The following KRT5 variants were observed in gnomAD, a reference collection of about 807,000 sequenced individuals.
KRT5 encodes keratin 5.
In KRT5, 17 loss-of-function variants were observed where a neutral mutation model predicts 44.0. That is an observed-to-expected ratio of 0.39 (90% CI 0.26 to 0.58). The LOEUF (loss-of-function observed/expected upper bound fraction) is 0.58. KRT5 is among the 20% of genes least tolerant of loss of function. The pLI is 0.61. For missense variants in KRT5, 737 were observed against 785.5 expected (o/e 0.94, Z 0.74); for synonymous variants, 329 against 312.8 (o/e 1.05, Z -0.55).
intron 6 of KRT5, 82 bp downstream of exon 6, chr12:52,517,024 CA>C (rs1386468270): frequency 1.3e-6 from 2 of 1,585,882 alleles, no homozygotes; most frequent in Non-Finnish European, 1.7e-6. Flanking sequence ...GTGTGTTTAG[CA>C]AAAGTAAAAC....
At chr12:52,516,911 C>G in intron 6 of KRT5, 54 bp from the exon 7 acceptor site, 1 of 1,599,514 alleles carries the variant, frequency 6.3e-7, no homozygotes, top group Non-Finnish European at 8.6e-7. Flanking sequence ...GTGTCTCCTT[C>G]TGAGTTTCTG....
Position 52,516,707 on chromosome 12 carries a change from T to C in KRT5, c.1369A>G (p.Met457Val). The change falls in exon 7 of 9, where the codon ATG (methionine) becomes GTG (valine). Residue 457 changes from methionine (M) to valine (V), a missense_variant. Transcript: ENST00000252242. ...ACGTCCAGGGCCAGCTTGGTGTTCA[T>C]GAGCTCCTGGTACTCACGCAGCAGC... ...ARLLREYQEL[M>V]NTKLALDVEI... 1 of 1,614,218 alleles carries C rather than the reference T, an allele frequency of 6.2e-7. No individual in the cohort carries two copies.
chr12:52,517,397 G>C (rs1399182220), intron 5 of KRT5, among the ~76,000 whole-genome samples, 165 bp from the exon 6 acceptor site: 12 of 152,174 alleles, frequency 7.9e-5, no homozygotes, highest in Admixed American at 7.8e-4. Context: ...TGGAGACACT[G>C]GTGTGAGATT....
At position 52,515,851 on chromosome 12, in the gene KRT5, A is replaced by G; in HGVS notation, c.1440-19T>C. On this transcript the variant is annotated intron_variant, in intron 7 of 8. Coordinates refer to ENST00000252242, the MANE Select transcript of KRT5 (RefSeq NM_000424.4). Reference sequence around the variant, plus strand: ...ACTGAGTCTGAAAGGGGAAAAATTGAATTAAGGGTTAACAGCTCCCAAAAA... The same window carrying G: ...ACTGAGTCTGAAAGGGGAAAAATTGGATTAAGGGTTAACAGCTCCCAAAAA... The G allele has an allele frequency of 6.2e-7, 1 of 1,609,934 alleles. No homozygotes were observed. Among genetic ancestry groups the G allele is most frequent in the South Asian group, 1.1e-5 (1 of 91,002 alleles).
Position 52,520,286 on chromosome 12 carries a change from T to G in KRT5, c.11A>C (p.Gln4Pro), listed in dbSNP as rs1473238308. The G allele has an allele frequency of 1.2e-6, 2 of 1,613,162 alleles. No individual in the cohort carries two copies. Among genetic ancestry groups the G allele is most frequent in the East Asian group, 2.2e-5 (1 of 44,872 alleles). The change falls in exon 1 of 9, where the codon CAG (glutamine) becomes CCG (proline). Residue 4 changes from glutamine to proline, a missense_variant. Gln to Pro is a moderately conservative substitution (Grantham distance 76). Transcript: ENST00000252242. MSR[Q>P]SSVSFRSGGS... ...CCCGCTCCGGAAGGACACACTTGAC[T>G]GGCGAGACATGGTGGCTTGTTCCTG...
At position 52,516,640 on chromosome 12, in the gene KRT5, C is replaced by T. The variant is rs374468864; in HGVS notation, c.1436G>A (p.Cys479Tyr). The T allele has an allele frequency of 6.2e-7, 1 of 1,614,194 alleles. No individual in the cohort carries two copies. The highest frequency in any genetic ancestry group is 8.5e-7 in the Non-Finnish European group (1 of 1,180,024). The change falls in exon 7 of 9, where the codon TGC becomes TAC. Residue 479 changes from cysteine to tyrosine, a missense_variant. By Grantham distance (194) the Cys-to-Tyr change is radical. This residue lies in a region of KRT5 where 344 missense variants were observed against 351.6 expected (regional missense o/e 0.98). Coordinates refer to ENST00000252242, the MANE Select transcript of KRT5 (RefSeq NM_000424.4). ...TYRKLLEGEE[C>Y]RLSGEGVGPV... The stretch of plus-strand genomic sequence containing the variant: ...TGAGTTCATGCTGTCTACTCACCTG[C>T]ATTCCTCGCCCTCCAGCAGCTTGCG...
At chr12:52,519,492 A>C in intron 1 of KRT5, 1 of 624,444 alleles carries the variant, frequency 1.6e-6, no homozygotes, top group Non-Finnish European at 2.8e-6. Flanking sequence ...CATGAAATTC[A>C]TCTCTCTGTC....
intron 7 of KRT5, 73 bp downstream of exon 7, chr12:52,516,564 G>T (rs1938613036): frequency 9.3e-6 from 13 of 1,392,656 alleles, no homozygotes; most frequent in Non-Finnish European, 1.3e-5. Flanking sequence ...ATGTATGTGT[G>T]TTGTACACCC....
chr12:52,514,667 T>A lies in KRT5; in HGVS notation c.*275A>T. The A allele has an allele frequency of 2.2e-6, 1 of 465,082 alleles. No individual in the cohort carries two copies. The highest frequency in any genetic ancestry group is 4.2e-5 in the South Asian group (1 of 23,724). The allele number at this position is 465,082 out of a possible 1,614,324, so 28.8% of individuals were successfully genotyped here. ...TGGGGTGGGGATTCTGTTTTGATGA[T>A]TTAGATTTGGGAAAACTTTGGGTTC... is the stretch of plus-strand genomic sequence containing the variant. On this transcript the variant is annotated 3_prime_UTR_variant, in exon 9 of 9. Coordinates refer to ENST00000252242, the MANE Select transcript of KRT5 (RefSeq NM_000424.4).
chr12:52,518,344 G>A (rs1938650281), intron 2 of KRT5, 181 bp from the exon 3 acceptor site: 2 of 699,294 alleles, frequency 2.9e-6, no homozygotes, highest in Non-Finnish European at 5.3e-6. Flanking sequence ...TTTAAATACT[G>A]CTTTCTCTGT....
At chr12:52,516,502 G>T in intron 7 of KRT5, 135 bp downstream of exon 7, 2 of 926,830 alleles carry the variant, frequency 2.2e-6, no homozygotes, top group South Asian at 2.8e-5. Context: ...CCATGAGTCA[G>T]ACTGAAATAG....
chr12:52,519,975 C>T lies in KRT5; in HGVS notation c.322G>A (p.Gly108Ser), dbSNP rs146022149. 2.6e-4 allele frequency: 412 copies of T among 1,612,826 alleles called. 3 individuals are homozygous for T. The African/African-American group carries it at 4.5e-3, about 17-fold the overall frequency. The change falls in exon 1 of 9, where the codon GGC becomes AGC. Residue 108 changes from glycine (G) to serine (S), a missense_variant. Coordinates refer to ENST00000252242, the MANE Select transcript of KRT5 (RefSeq NM_000424.4). ...GGGAGSGFGF[G>S]GGAGGGFGLG... The stretch of plus-strand genomic sequence containing the variant: ...CCAAAGCCACCACCAGCTCCACCGC[C>T]GAAACCAAATCCACTACCGGCACCA...
intron 4 of KRT5, 27 bp downstream of exon 4, chr12:52,517,870 T>C (rs1361768144): frequency 5.6e-6 from 9 of 1,611,340 alleles, no homozygotes; most frequent in East Asian, 2.2e-5. Context: ...AACCCACCCA[T>C]GTGAAAAATT....
In KRT5 at chr12:52,517,656, G is replaced by A. The variant is rs756142099; in HGVS notation, c.1026C>T (p.Val342=). Reference sequence around the variant, plus strand: ...TGGCAATCTCCTCATACTGGGCCTTGACCTCAGCGATGATGCTATCCAGGT... The same window carrying A: ...TGGCAATCTCCTCATACTGGGCCTTAACCTCAGCGATGATGCTATCCAGGT... ...NLDLDSIIAE[V]KAQYEEIANR... is the part of the protein sequence containing the mutation. The change falls in exon 5 of 9, where the codon GTC becomes GTT. Residue 342 remains valine (V), a synonymous_variant. Coordinates refer to ENST00000252242, the MANE Select transcript of KRT5 (RefSeq NM_000424.4). The A allele has an allele frequency of 6.2e-7, 1 of 1,614,088 alleles. No homozygotes were observed. Among genetic ancestry groups the A allele is most frequent in the Non-Finnish European group, 8.5e-7 (1 of 1,180,028 alleles).
Position 52,517,710 on chromosome 12 carries a change from G to T in KRT5, c.972C>A (p.Val324=), listed in dbSNP as rs775911175. ...GGTTGCGGTTGTTGTCCATGGAGAG[G>T]ACCACTGAGGTGTCAGAGACATGCG... ...MQTHVSDTSV[V]LSMDNNRNLD... The change falls in exon 5 of 9, where the codon GTC becomes GTA. Residue 324 remains valine, a synonymous_variant. Transcript: ENST00000252242. The T allele has an allele frequency of 6.2e-7, 1 of 1,614,226 alleles. No individual in the cohort carries two copies. Among genetic ancestry groups the T allele is most frequent in the East Asian group, 2.2e-5 (1 of 44,870 alleles).
At chr12:52,515,951 C>T in intron 7 of KRT5, 119 bp from the exon 8 acceptor site, 1 of 833,936 alleles carries the variant, frequency 1.2e-6, no homozygotes, top group Non-Finnish European at 2.1e-6. Flanking sequence ...GTCTGTACAC[C>T]CAAAAGCTGC....
Position 52,517,930 on chromosome 12 carries a change from A to T in KRT5, c.894T>A (p.Asp298Glu). ...AGAACATCTTCATGAAGTTAATCTCATCCATCAGTGCATCAACCTTGGCCT... is the reference window on the plus strand; with the variant it reads ...AGAACATCTTCATGAAGTTAATCTCTTCCATCAGTGCATCAACCTTGGCCT... ...ELEAKVDALM[D>E]EINFMKMFFD... The change falls in exon 4 of 9, where the codon GAT becomes GAA. Residue 298 changes from aspartate (D) to glutamate (E), a missense_variant. Transcript: ENST00000252242. 6.2e-7 allele frequency: 1 copy of T among 1,614,206 alleles called. No individual in the cohort carries two copies. The highest frequency in any genetic ancestry group is 8.5e-7 in the Non-Finnish European group (1 of 1,179,994).
chr12:52,519,786 G>T lies in KRT5; in HGVS notation c.511C>A (p.Gln171Lys), dbSNP rs573548957. The T allele has an allele frequency of 1.2e-6, 2 of 1,614,004 alleles. No individual in the cohort carries two copies. Among genetic ancestry groups the T allele is most frequent in the East Asian group, 4.5e-5 (2 of 44,868 alleles). ...IQRVRTEERE[Q>K]IKTLNNKFAS... ...AACTTATTGTTGAGGGTCTTGATCT[G>T]CTCGCGCTCCTCGGTCCTCACCCTC... is the stretch of plus-strand genomic sequence containing the variant. The change falls in exon 1 of 9, where the codon CAG (glutamine) becomes AAG (lysine). Residue 171 changes from glutamine (Q) to lysine (K), a missense_variant. Physicochemically the swap from Gln to Lys is moderately conservative, Grantham distance 53. This residue lies in a region of KRT5 where 326 missense variants were observed against 333.1 expected (regional missense o/e 0.98). Coordinates refer to ENST00000252242, the MANE Select transcript of KRT5 (RefSeq NM_000424.4).
chr12:52,518,902 G>T lies in KRT5; in HGVS notation c.770+44C>A, dbSNP rs757641925. 19 of 1,611,896 alleles carry T rather than the reference G, an allele frequency of 1.2e-5. No homozygotes were observed. The Admixed American group carries it at 3.2e-4, about 27-fold the overall frequency. On this transcript the variant is annotated intron_variant, in intron 2 of 8. Coordinates refer to ENST00000252242, the MANE Select transcript of KRT5 (RefSeq NM_000424.4). ...AGTAACAAAGCCCATCTGGTACCAAGAAGACACCACCCTCCCCTGTGTCCA... is the reference window on the plus strand; with the variant it reads ...AGTAACAAAGCCCATCTGGTACCAATAAGACACCACCCTCCCCTGTGTCCA...
Sources: gnomAD v4.1 joint callset for allele counts (sites outside exome capture counted in the v4.1 genomes callset) on GRCh38, gnomAD v4.1.1 for gene constraint, gnomAD v4.1.1 regional missense constraint, MANE v1.5 for transcripts, NCBI Gene and HGNC (gene_info 2026-07-23, HGNC 2026-07-21) for gene names.